EFHC2: variants seen among roughly 807,000 people sequenced by gnomAD.
EFHC2 encodes EF-hand domain containing 2.
A neutral mutation model predicts 52.7 loss-of-function variants in EFHC2; 18 were observed. That is an observed-to-expected ratio of 0.34 (90% confidence interval 0.24 to 0.51). The LOEUF (loss-of-function observed/expected upper bound fraction) is 0.51, where lower values mean the gene tolerates loss of function less well. Among genes scored for constraint, EFHC2 ranks in the 20% least tolerant of loss-of-function variants. The pLI, the probability that EFHC2 is intolerant of heterozygous loss-of-function variation, is 0.97. For synonymous variants in EFHC2, 203 were observed against 204.1 expected (o/e 0.99, Z 0.04); for missense variants, 513 against 562.5 (o/e 0.91, Z 0.89).
chrX:44,229,059 A>G (rs989672457), intron 11 of EFHC2, among the ~76,000 whole-genome samples: 1 of 112,280 alleles, frequency 8.9e-6, no homozygotes, highest in African/African-American at 3.2e-5. Flanking sequence ...GGATAGTCCC[A>G]GAATTCAGCT....
intron 14 of EFHC2, among the ~76,000 whole-genome samples, chrX:44,152,416 T>C (rs2036576919): frequency 9.0e-6 from 1 of 111,695 alleles, no homozygotes; most frequent in Non-Finnish European, 1.9e-5. Flanking sequence ...CTGACAAGGA[T>C]CTATTCAGAA....
chrX:44,283,532 C>CTTTTTT (rs3049061), intron 2 of EFHC2, among the ~76,000 whole-genome samples: 1,384 of 88,520 alleles, frequency 0.016, 91 homozygotes, highest in Admixed American at 0.045. Context: ...ACGGAAGTAC[C>CTTTTTT]TTTTTTTTTT....
At chrX:44,299,200 C>T (rs143586044) in intron 2 of EFHC2, among the ~76,000 whole-genome samples, 52 of 111,438 alleles carry the variant, frequency 4.7e-4, no homozygotes, top group African/African-American at 1.6e-3. Context: ...CAGATCCCTC[C>T]TCTAGGCCAA....
intron 2 of EFHC2, chrX:44,284,805 T>G (rs1016726227): frequency 1.8e-5 from 2 of 112,105 alleles, no homozygotes; most frequent in Non-Finnish European, 3.8e-5. Context: ...AGTAGAGTCA[T>G]TTGTGAAAAA....
At chrX:44,151,748 G>A (rs1225720523) in intron 14 of EFHC2, among the ~76,000 whole-genome samples, 2 of 111,627 alleles carry the variant, frequency 1.8e-5, no homozygotes, top group Non-Finnish European at 3.8e-5. Flanking sequence ...TATTCAATCC[G>A]GTGTTATATC....
At chrX:44,288,417 T>TAA (rs1250169327) in intron 2 of EFHC2, among the ~76,000 whole-genome samples, 2 of 103,960 alleles carry the variant, frequency 1.9e-5, no homozygotes, top group Admixed American at 1.0e-4. Flanking sequence ...AAGTAAAAAT[T>TAA]AAAAAAAAAA....
chrX:44,153,451 A>AC (rs1237086471), intron 14 of EFHC2, among the ~76,000 whole-genome samples: 8 of 111,604 alleles, frequency 7.2e-5, no homozygotes, highest in Non-Finnish European at 1.9e-5. Flanking sequence ...GATGGGAATG[A>AC]CTTTCTGTCC....
At chrX:44,313,428 T>C (rs1343967701) in intron 1 of EFHC2, among the ~76,000 whole-genome samples, 3 of 111,514 alleles carry the variant, frequency 2.7e-5, no homozygotes, top group East Asian at 2.8e-4. Context: ...TGAGGAGCGA[T>C]GTGGCAATAC....
At chrX:44,300,204 T>G (rs2037858583) in intron 2 of EFHC2, among the ~76,000 whole-genome samples, 1 of 111,865 alleles carries the variant, frequency 8.9e-6, no homozygotes, top group Non-Finnish European at 1.9e-5. Flanking sequence ...AGCCTAAAAT[T>G]TAAGTCAACA....
intron 2 of EFHC2, among the ~76,000 whole-genome samples, chrX:44,300,416 A>T (rs1380931339): frequency 9.0e-6 from 1 of 111,360 alleles, no homozygotes; most frequent in East Asian, 2.8e-4. Context: ...AGCCTCCAGA[A>T]CTGTGAGAAA....
At chrX:44,184,041 T>G (rs1369885031) in intron 11 of EFHC2, among the ~76,000 whole-genome samples, 1 of 112,321 alleles carries the variant, frequency 8.9e-6, no homozygotes, top group Non-Finnish European at 1.9e-5. Context: ...GAATTTTATT[T>G]TCCTATAGAA....
intron 11 of EFHC2, among the ~76,000 whole-genome samples, chrX:44,185,161 A>C: frequency 8.9e-6 from 1 of 112,631 alleles, no homozygotes; most frequent in South Asian, 3.7e-4. Flanking sequence ...ACTTCTCTTA[A>C]GTAAGTTTAC....
chrX:44,339,927 T>G (rs1165369856), intron 1 of EFHC2, among the ~76,000 whole-genome samples: 1 of 111,979 alleles, frequency 8.9e-6, no homozygotes, highest in Non-Finnish European at 1.9e-5. Context: ...ATTTTTTAAA[T>G]GTAGTCACCT....
At chrX:44,244,126 T>C (rs963126619) in intron 7 of EFHC2, among the ~76,000 whole-genome samples, 1 of 112,157 alleles carries the variant, frequency 8.9e-6, no homozygotes, top group Non-Finnish European at 1.9e-5. Context: ...CACACTGTTG[T>C]TTTCTCAACC....
intron 11 of EFHC2, among the ~76,000 whole-genome samples, chrX:44,199,819 C>T (rs997558439): frequency 8.9e-6 from 1 of 111,959 alleles, no homozygotes; most frequent in Non-Finnish European, 1.9e-5. Flanking sequence ...AGTGTATAAT[C>T]TCAGTCCAAC....
chrX:44,286,987 C>G (rs1348749856), intron 2 of EFHC2, among the ~76,000 whole-genome samples: 1 of 90,176 alleles, frequency 1.1e-5, no homozygotes, highest in African/African-American at 4.4e-5. Context: ...AATCACACCA[C>G]TGCACTCCAG....
intron 2 of EFHC2, among the ~76,000 whole-genome samples, chrX:44,290,825 C>T (rs973797285): frequency 1.8e-5 from 2 of 111,642 alleles, no homozygotes; most frequent in Admixed American, 9.5e-5. Context: ...GAGAAAAGCC[C>T]GAATGCAGGG....
At chrX:44,241,337 A>G (rs1290671027) in intron 8 of EFHC2, among the ~76,000 whole-genome samples, 4 of 112,291 alleles carry the variant, frequency 3.6e-5, no homozygotes, top group African/African-American at 1.3e-4. Flanking sequence ...CTCCATGTCT[A>G]TTAGGAATAC....
chrX:44,260,093 G>A lies in EFHC2; in HGVS notation c.606+982C>T, dbSNP rs1306504747. 1.3e-4 allele frequency among the ~76,000 whole-genome samples: 15 copies of A among 111,638 alleles called. No homozygotes were observed. The Admixed American group carries it at 1.4e-3, about 11-fold the overall frequency. ...CAGACAAAACTCATCTATGGGTATA[G>A]AAATGAGAACAGCAGTTGTCTGTGG... On this transcript the variant is annotated intron_variant, in intron 4 of 14. Coordinates refer to ENST00000420999, the MANE Select transcript of EFHC2 (RefSeq NM_025184.4).
Sources: gnomAD v4.1 joint callset for allele counts (sites outside exome capture counted in the v4.1 genomes callset) on GRCh38, gnomAD v4.1.1 for gene constraint, MANE v1.5 for transcripts, NCBI Gene and HGNC (gene_info 2026-07-23, HGNC 2026-07-21) for gene names.